PPM1D: variants seen among roughly 807,000 people sequenced by gnomAD.
The protein encoded by PPM1D is protein phosphatase, Mg2+/Mn2+ dependent 1D, also known as protein phosphatase 1D.
In PPM1D, 52 loss-of-function variants were observed where a neutral mutation model predicts 58.3. That is an observed-to-expected ratio of 0.89 (90% CI 0.71 to 1.12). The LOEUF (loss-of-function observed/expected upper bound fraction) is 1.12. PPM1D is among the 50% of genes most tolerant of loss of function. PPM1D has a pLI of 0.00. For missense variants in PPM1D, 564 were observed against 777.2 expected (o/e 0.73, Z 3.26); for synonymous variants, 278 against 285.1 (o/e 0.98, Z 0.25).
intron 3 of PPM1D, among the ~76,000 whole-genome samples, chr17:60,639,993 G>A (rs2031102751): frequency 6.6e-6 from 1 of 152,202 alleles, no homozygotes; most frequent in Non-Finnish European, 1.5e-5. Context: ...TGGATAAAAT[G>A]AGAAAATACT....
chr17:60,639,267 C>T (rs1267636643), intron 3 of PPM1D, among the ~76,000 whole-genome samples: 3 of 151,926 alleles, frequency 2.0e-5, no homozygotes, highest in Admixed American at 1.3e-4. Flanking sequence ...AGGCACCCGC[C>T]ACCATGCTCG....
rs1485992765 is a variant in PPM1D, at chr17:60,663,437, C to G, written c.1703C>G (p.Thr568Arg). The change falls in exon 6 of 6, where the codon ACA becomes AGA. Residue 568 changes from threonine to arginine, a missense_variant. Thr to Arg is a moderately conservative substitution (Grantham distance 71). Around this residue, in one of 7 missense-constraint regions of PPM1D, gnomAD observed 261 missense variants for 270.1 expected, o/e 0.97. Transcript: ENST00000305921. The part of the protein sequence containing the change: ...SSGAQPASLP[T>R]TSQRKNSVKL... ...GGTGCTCAGCCTGCAAGTCTCCCCA[C>G]AACCTCACAGCGAAAGAACTCTGTT... 1.2e-6 allele frequency: 2 copies of G among 1,614,088 alleles called. No individual in the cohort carries two copies. Among genetic ancestry groups the G allele is most frequent in the Admixed American group, 3.3e-5 (2 of 60,002 alleles).
intron 2 of PPM1D, among the ~76,000 whole-genome samples, chr17:60,626,907 C>T (rs928524224): frequency 6.6e-6 from 1 of 151,904 alleles, no homozygotes; most frequent in African/African-American, 2.4e-5. Flanking sequence ...TATTTAAGAG[C>T]CATTTATATT....
At chr17:60,624,937 C>G (rs936838983) in intron 2 of PPM1D, among the ~76,000 whole-genome samples, 1 of 152,016 alleles carries the variant, frequency 6.6e-6, no homozygotes, top group Non-Finnish European at 1.5e-5. Context: ...CTCAGGAGTT[C>G]GAGACCAGCT....
At position 60,600,275 on chromosome 17, in the gene PPM1D, C is replaced by A. The variant is rs564887133; in HGVS notation, c.-140C>A. On this transcript the variant is annotated 5_prime_UTR_variant, in exon 1 of 6. Transcript: ENST00000305921. ...CGGACAAGTCCAGACATCGCGCGCC[C>A]CCCCTTCTCCGGGTCCGCCCCCTCC... 9.8e-6 allele frequency: 14 copies of A among 1,422,154 alleles called. No homozygotes were observed. The East Asian group carries it at 2.9e-4, about 29-fold the overall frequency. The allele number at this position is 1,422,154 out of a possible 1,614,324, so 88.1% of individuals were successfully genotyped here.
chr17:60,626,560 A>G (rs2030813868), intron 2 of PPM1D, among the ~76,000 whole-genome samples: 1 of 151,780 alleles, frequency 6.6e-6, no homozygotes, highest in South Asian at 2.1e-4. Flanking sequence ...ACGCCCGGCT[A>G]ATTTTTTGTA....
intron 3 of PPM1D, among the ~76,000 whole-genome samples, chr17:60,646,399 G>A (rs1033544907): frequency 2.0e-5 from 3 of 152,114 alleles, no homozygotes; most frequent in Non-Finnish European, 1.5e-5. Context: ...TAAAGAAAAG[G>A]ACAAAGCTTC....
chr17:60,659,044 G>A (rs2031487139), intron 5 of PPM1D, among the ~76,000 whole-genome samples: 1 of 152,294 alleles, frequency 6.6e-6, no homozygotes, highest in South Asian at 2.1e-4. Flanking sequence ...GCCATATGCA[G>A]GTATAGTTAT....
chr17:60,649,478 C>T (rs1001984588), intron 4 of PPM1D, among the ~76,000 whole-genome samples: 6 of 152,008 alleles, frequency 3.9e-5, no homozygotes, highest in Non-Finnish European at 7.4e-5. Context: ...CACCCAAGGT[C>T]AGGAGTTAAG....
At chr17:60,649,839 T>C (rs1286917004) in intron 4 of PPM1D, among the ~76,000 whole-genome samples, 1 of 152,208 alleles carries the variant, frequency 6.6e-6, no homozygotes, top group African/African-American at 2.4e-5. Context: ...TCCCATTAGA[T>C]CATGAGTTCT....
chr17:60,620,934 T>C (rs2143649793), intron 1 of PPM1D, among the ~76,000 whole-genome samples: 1 of 152,324 alleles, frequency 6.6e-6, no homozygotes, highest in South Asian at 2.1e-4. Flanking sequence ...TTTCTTTCTT[T>C]TTTTTTGAGG....
intron 3 of PPM1D, among the ~76,000 whole-genome samples, chr17:60,639,460 T>G (rs1371429957): frequency 1.3e-5 from 2 of 151,574 alleles, no homozygotes; most frequent in African/African-American, 4.9e-5. Context: ...TTTTTTGAGA[T>G]GGAGTCTCAC....
Position 60,600,277 on chromosome 17 carries a change from C to T in PPM1D, c.-138C>T, listed in dbSNP as rs1022817225. 8.6e-5 allele frequency: 122 copies of T among 1,426,658 alleles called. No homozygotes were observed. The highest frequency in any genetic ancestry group is 1.1e-4 in the Non-Finnish European group (117 of 1,091,032). 88.4% of individuals were successfully genotyped at this position (1,426,658 alleles called of 1,614,324 possible). A position where few individuals can be genotyped will look rare whatever the true frequency, so the allele number is the denominator to read the frequency against. ...GACAAGTCCAGACATCGCGCGCCCCCCCTTCTCCGGGTCCGCCCCCTCCCC... is the reference window on the plus strand; with the variant it reads ...GACAAGTCCAGACATCGCGCGCCCCTCCTTCTCCGGGTCCGCCCCCTCCCC... On this transcript the variant is annotated 5_prime_UTR_variant, in exon 1 of 6. Transcript: ENST00000305921.
At chr17:60,645,704 G>T (rs1209260716) in intron 3 of PPM1D, among the ~76,000 whole-genome samples, 1 of 146,436 alleles carries the variant, frequency 6.8e-6, no homozygotes, top group Non-Finnish European at 1.5e-5. Flanking sequence ...AGGTAGATAG[G>T]TATCTCCAGA....
At chr17:60,616,263 G>T (rs1490790976) in intron 1 of PPM1D, among the ~76,000 whole-genome samples, 5 of 150,496 alleles carry the variant, frequency 3.3e-5, no homozygotes, top group Admixed American at 6.6e-5. Flanking sequence ...ACTGTAGCCT[G>T]GGCGACAGAG....
At position 60,664,972 on chromosome 17, in the gene PPM1D, A is replaced by AT. The variant is rs1311313661; in HGVS notation, c.*1437dup. 6,402 of 101,306 alleles carry AT rather than the reference A, an allele frequency of 0.063. 477 individuals are homozygous for AT. Among genetic ancestry groups the AT allele is most frequent in the African/African-American group, 0.19 (5,169 of 26,802 alleles). 6.3% of individuals were successfully genotyped at this position (101,306 alleles called of 1,614,324 possible). A position where few individuals can be genotyped will look rare whatever the true frequency, so the allele number is the denominator to read the frequency against. On this transcript the variant is annotated 3_prime_UTR_variant, in exon 6 of 6. Transcript: ENST00000305921. ...AGGTGTGTGCCACCACACCCGGCTAATTTTTTTTTTTTTTTTTGAGATGGA... is the reference window on the plus strand; with the variant it reads ...AGGTGTGTGCCACCACACCCGGCTAATTTTTTTTTTTTTTTTTTGAGATGGA...
chr17:60,632,457 A>C (rs1010106762), intron 2 of PPM1D, among the ~76,000 whole-genome samples: 1 of 152,072 alleles, frequency 6.6e-6, no homozygotes, highest in South Asian at 2.1e-4. Context: ...TCAGCTACTC[A>C]GGAGACTGAG....
intron 4 of PPM1D, among the ~76,000 whole-genome samples, chr17:60,650,987 C>T (rs2031332663): frequency 6.6e-6 from 1 of 152,048 alleles, no homozygotes; most frequent in Admixed American, 6.6e-5. Flanking sequence ...GGGAGGGAAG[C>T]GTGGAAATAC....
At chr17:60,631,766 A>G (rs1306373959) in intron 2 of PPM1D, among the ~76,000 whole-genome samples, 1 of 152,244 alleles carries the variant, frequency 6.6e-6, no homozygotes, top group East Asian at 1.9e-4. Flanking sequence ...TTAAATTAAT[A>G]AAAATTAAAT....
Sources: allele counts gnomAD v4.1 joint callset (sites outside exome capture counted in the v4.1 genomes callset), GRCh38; gene constraint gnomAD v4.1.1; regional missense constraint gnomAD v4.1.1; transcripts MANE v1.5; gene names NCBI Gene and HGNC (gene_info 2026-07-23, HGNC 2026-07-21).